Variants in SLC25A48 observed in about 807,000 individuals in gnomAD.
The protein encoded by SLC25A48 is CTC-321K16.1.
SLC25A48 carries 29 observed loss-of-function variants against 32.2 expected under a neutral mutation model. The observed-to-expected ratio is 0.90, with a 90% CI of 0.67 to 1.23. The LOEUF is 1.23. Ranked by LOEUF, SLC25A48 falls within the 50% of genes most tolerant of loss-of-function variation. SLC25A48 has a pLI of 0.00. For missense variants in SLC25A48, 399 were observed against 422.7 expected, an observed-to-expected ratio of 0.94 and a Z score of 0.49; for synonymous variants, 164 against 172.3, an observed-to-expected ratio of 0.95 and a Z score of 0.38.
intron 3 of SLC25A48, among the ~76,000 whole-genome samples, chr5:135,668,497 T>C (rs1753574572): frequency 1.3e-5 from 2 of 152,244 alleles, no homozygotes; most frequent in Non-Finnish European, 2.9e-5. Flanking sequence ...TGCTATTTGA[T>C]ATACTCATAT....
chr5:135,654,914 C>T (rs1753207450), intron 3 of SLC25A48, among the ~76,000 whole-genome samples: 1 of 152,252 alleles, frequency 6.6e-6, no homozygotes, highest in African/African-American at 2.4e-5. Context: ...CAGTGCTGAG[C>T]ATAAGGCTTG....
intron 4 of SLC25A48, among the ~76,000 whole-genome samples, chr5:135,818,666 A>C (rs1365952555): frequency 6.6e-6 from 1 of 152,218 alleles, no homozygotes; most frequent in Non-Finnish European, 1.5e-5. Flanking sequence ...GATATTCAAA[A>C]TGTCTAGGAC....
chr5:135,614,647 TG>T (rs1561758588), intron 1 of SLC25A48, among the ~76,000 whole-genome samples: 5 of 152,368 alleles, frequency 3.3e-5, no homozygotes, highest in South Asian at 2.1e-4. Context: ...AATGATCATA[TG>T]TTTTTTTCCC....
chr5:135,874,741 C>T (rs1270927200), intron 6 of SLC25A48: 1 of 699,220 alleles, frequency 1.4e-6, no homozygotes, highest in Admixed American at 2.0e-5. Flanking sequence ...TAACACACAC[C>T]CCTTCCCACC....
At chr5:135,671,381 G>A (rs141286773) in intron 3 of SLC25A48, among the ~76,000 whole-genome samples, 1 of 152,218 alleles carries the variant, frequency 6.6e-6, no homozygotes, top group South Asian at 2.1e-4. Context: ...CCTGGTGTTA[G>A]CCTCTAGGTT....
At chr5:135,810,368 C>G (rs1305547753) in intron 3 of SLC25A48, among the ~76,000 whole-genome samples, 1 of 152,182 alleles carries the variant, frequency 6.6e-6, no homozygotes, top group Admixed American at 6.5e-5. Context: ...TTGCCAATTA[C>G]TGTTTTTGTC....
chr5:135,887,580 C>T, intron 7 of SLC25A48, among the ~76,000 whole-genome samples: 1 of 152,164 alleles, frequency 6.6e-6, no homozygotes, highest in Middle Eastern at 3.2e-3. Context: ...ACTAAACCCT[C>T]CGCAGGAATC....
intron 3 of SLC25A48, among the ~76,000 whole-genome samples, chr5:135,690,276 G>A (rs540037766): frequency 6.6e-6 from 1 of 152,308 alleles, no homozygotes; most frequent in Non-Finnish European, 1.5e-5. Context: ...GGCATTGGGA[G>A]CATGGGTGTA....
chr5:135,737,996 C>T (rs1755415421), intron 3 of SLC25A48, among the ~76,000 whole-genome samples: 1 of 152,170 alleles, frequency 6.6e-6, no homozygotes, highest in African/African-American at 2.4e-5. Context: ...CTCTCAGGAC[C>T]TTGATACTTG....
chr5:135,741,070 A>C (rs777770624), intron 3 of SLC25A48, among the ~76,000 whole-genome samples: 1 of 152,216 alleles, frequency 6.6e-6, no homozygotes, highest in Non-Finnish European at 1.5e-5. Context: ...GCCCTATGCT[A>C]AGTGCTTTAC....
chr5:135,879,599 AGAGAGAGAGAGAGTGTGT>A (rs373843801), intron 6 of SLC25A48, among the ~76,000 whole-genome samples: 2,693 of 139,110 alleles, frequency 0.019, 86 homozygotes, highest in African/African-American at 0.078. Context: ...AGAGAGAGAG[AGAGAGAGAGAGAGTGTGT>A]GTGTGTGTGT....
chr5:135,639,686 C>T (rs1044895109), intron 3 of SLC25A48, among the ~76,000 whole-genome samples: 1 of 152,120 alleles, frequency 6.6e-6, no homozygotes, highest in Non-Finnish European at 1.5e-5. Flanking sequence ...GGAATAAGGA[C>T]CATGCTCTAG....
At chr5:135,677,568 C>T (rs1211051128) in intron 3 of SLC25A48, among the ~76,000 whole-genome samples, 2 of 151,924 alleles carry the variant, frequency 1.3e-5, no homozygotes, top group African/African-American at 4.8e-5. Flanking sequence ...GTGGTGGTAC[C>T]ATTTGAGTCT....
chr5:135,776,398 C>G (rs1458308714), intron 3 of SLC25A48, among the ~76,000 whole-genome samples: 3 of 151,728 alleles, frequency 2.0e-5, no homozygotes, highest in Non-Finnish European at 4.4e-5. Flanking sequence ...GGAATGTACA[C>G]ACCTTCTGTG....
intron 2 of SLC25A48, among the ~76,000 whole-genome samples, chr5:135,845,894 C>A (rs970265727): frequency 6.6e-6 from 1 of 152,170 alleles, no homozygotes; most frequent in African/African-American, 2.4e-5. Flanking sequence ...GTTGAGGAGG[C>A]CTGGCTGGTG....
intron 3 of SLC25A48, among the ~76,000 whole-genome samples, chr5:135,638,797 G>A (rs1201496426): frequency 6.6e-6 from 1 of 152,060 alleles, no homozygotes; most frequent in Non-Finnish European, 1.5e-5. Context: ...ATACATCATT[G>A]TCTTTATATA....
chr5:135,730,621 G>A (rs866902990), intron 3 of SLC25A48, among the ~76,000 whole-genome samples: 2 of 152,236 alleles, frequency 1.3e-5, no homozygotes, highest in Non-Finnish European at 1.5e-5. Context: ...ACCTGAAAAT[G>A]TGGAAGCAAC....
Position 135,789,263 on chromosome 5 carries a change from G to A in SLC25A48, c.-520-23260G>A, listed in dbSNP as rs577104613. 2.9e-3 allele frequency among the ~76,000 whole-genome samples: 122 copies of A among 41,426 alleles called. 1 individual carries two copies. The highest frequency in any genetic ancestry group is 8.1e-3 in the Non-Finnish European group (93 of 11,484). 27.2% of individuals were successfully genotyped at this position (41,426 alleles called of 152,430 possible). A position where few individuals can be genotyped will look rare whatever the true frequency, so the allele number is the denominator to read the frequency against. ...AGTGGGTGGTGTTACTTTCCATGTG[G>A]CAGGGGGTGTACACCCCCTGCCATA... On this transcript the variant is annotated intron_variant, in intron 3 of 10. Coordinates refer to the SLC25A48 transcript ENST00000646290.
At chr5:135,836,984 C>CT (rs1561519757) in intron 1 of SLC25A48, among the ~76,000 whole-genome samples, 2 of 15,426 alleles carry the variant, frequency 1.3e-4, no homozygotes, top group African/African-American at 1.8e-4. Context: ...CCCCCCCCCA[C>CT]ACACACACAC....
Sources: allele counts gnomAD v4.1 joint callset (sites outside exome capture counted in the v4.1 genomes callset), GRCh38; gene constraint gnomAD v4.1.1; transcripts MANE v1.5; gene names NCBI Gene and HGNC (gene_info 2026-07-23, HGNC 2026-07-21).